USP54: variants seen among roughly 807,000 people sequenced by gnomAD.
USP54 encodes the protein ubiquitin specific peptidase 54, also known as ubiquitin carboxyl-terminal hydrolase 54.
Under a neutral mutation model 170.5 loss-of-function variants are expected in USP54, and 87 were observed. That is an observed-to-expected ratio of 0.51 (90% confidence interval 0.43 to 0.61). The LOEUF (loss-of-function observed/expected upper bound fraction) is 0.61. Ranked by LOEUF, USP54 falls within the 20% of genes least tolerant of loss-of-function variation. USP54 has a pLI of 0.00. For synonymous variants in USP54, 655 were observed against 742.8 expected, an observed-to-expected ratio of 0.88 and a Z score of 1.92; for missense variants, 1,786 against 2,047.8, an observed-to-expected ratio of 0.87 and a Z score of 2.47.
intron 1 of USP54, among the ~76,000 whole-genome samples, chr10:73,588,041 A>C (rs1263874592): frequency 6.6e-6 from 1 of 152,156 alleles, no homozygotes; most frequent in Non-Finnish European, 1.5e-5. Flanking sequence ...CTCTATATGC[A>C]TTATCTCTCC....
intron 9 of USP54, among the ~76,000 whole-genome samples, chr10:73,540,444 C>G (rs979381254): frequency 6.6e-6 from 1 of 151,978 alleles, no homozygotes; most frequent in Non-Finnish European, 1.5e-5. Flanking sequence ...GTGGCAGGCA[C>G]CTGTAGTCCC....
chr10:73,534,373 AT>A (rs201396962), intron 12 of USP54, among the ~76,000 whole-genome samples: 6 of 148,976 alleles, frequency 4.0e-5, no homozygotes, highest in South Asian at 2.1e-4. Flanking sequence ...TGCCCAACTA[AT>A]TTTTTTTTTG....
intron 17 of USP54, 64 bp from the exon 18 acceptor site, chr10:73,521,091 T>C: frequency 6.2e-7 from 1 of 1,600,824 alleles, no homozygotes; most frequent in Non-Finnish European, 8.5e-7. Flanking sequence ...TGTACTGTTG[T>C]TTCCCTTCAG....
intron 5 of USP54, 105 bp from the exon 6 acceptor site, chr10:73,543,236 G>C (rs2067003760): frequency 1.3e-6 from 1 of 764,720 alleles, no homozygotes; most frequent in Non-Finnish European, 2.2e-6. Context: ...CTGGAAGGTA[G>C]GAATATTTTG....
intron 20 of USP54, among the ~76,000 whole-genome samples, chr10:73,511,387 G>A (rs964988235): frequency 2.6e-5 from 4 of 151,530 alleles, no homozygotes; most frequent in Admixed American, 1.3e-4. Flanking sequence ...GTGGCCGGGC[G>A]TGGTGGCTCA....
At chr10:73,613,065 G>A (rs180911393) in intron 1 of USP54, among the ~76,000 whole-genome samples, 2 of 151,388 alleles carry the variant, frequency 1.3e-5, no homozygotes, top group African/African-American at 4.8e-5. Context: ...GCTGAGGTGG[G>A]AGGATTGCTT....
At chr10:73,531,244 T>TGGCAGTG (rs1214832899) in intron 12 of USP54, among the ~76,000 whole-genome samples, 1 of 148,466 alleles carries the variant, frequency 6.7e-6, no homozygotes, top group African/African-American at 2.5e-5. Context: ...TGAGCCGAGA[T>TGGCAGTG]CACGCCACTG....
chr10:73,595,157 C>T, upstream of USP54, among the ~76,000 whole-genome samples: 1 of 151,994 alleles, frequency 6.6e-6, no homozygotes, highest in Admixed American at 6.6e-5. Context: ...AACTCCTGAC[C>T]TCAGGTGATC....
chr10:73,508,353 G>A (rs2059564852), intron 20 of USP54, among the ~76,000 whole-genome samples: 1 of 150,450 alleles, frequency 6.6e-6, no homozygotes, highest in Non-Finnish European at 1.5e-5. Flanking sequence ...GTTGCAATGA[G>A]CTGATATTGT....
chr10:73,541,415 T>A lies in USP54; in HGVS notation c.785A>T (p.Asp262Val). 1.2e-6 allele frequency: 2 copies of A among 1,614,154 alleles called. No individual in the cohort carries two copies. The highest frequency in any genetic ancestry group is 1.7e-6 in the Non-Finnish European group (2 of 1,180,036). ...GCAGGTTCCCAGGCTGTGGATAACA[T>A]CTTCTGCTAAGTCTGAGTGGTCTGA... ...WDSDHSDLAE[D>V]VIHSLGTCLK... The change falls in exon 9 of 24, where the codon GAT becomes GTT. Residue 262 changes from aspartate (D) to valine (V), a missense_variant. Physicochemically the swap from Asp to Val is radical, Grantham distance 152 (BLOSUM62 -3). Around this residue, in one of 3 missense-constraint regions of USP54, gnomAD observed 361 missense variants for 455.0 expected, o/e 0.79. Transcript: ENST00000687698.
chr10:73,535,469 T>C (rs2065033089), intron 11 of USP54, among the ~76,000 whole-genome samples: 1 of 152,072 alleles, frequency 6.6e-6, no homozygotes, highest in South Asian at 2.1e-4. Flanking sequence ...TCTTTCAAAA[T>C]TATATCAAGG....
Position 73,519,779 on chromosome 10 carries a change from A to G in USP54, c.2678+18T>C, listed in dbSNP as rs2061624877. 1 of 1,613,442 alleles carries G rather than the reference A, an allele frequency of 6.2e-7. No homozygotes were observed. The highest frequency in any genetic ancestry group is 8.5e-7 in the Non-Finnish European group (1 of 1,179,828). On this transcript the variant is annotated intron_variant, in intron 19 of 23. Coordinates refer to ENST00000687698, the MANE Select transcript of USP54 (RefSeq NM_001391956.1). ...CTTCCCCTGGCATTCATAAACTAAC[A>G]TGGTTCCCAAGCACTACCTTGTTGG...
intron 12 of USP54, among the ~76,000 whole-genome samples, chr10:73,531,235 G>T (rs372330389): frequency 2.6e-5 from 4 of 151,032 alleles, no homozygotes; most frequent in Non-Finnish European, 5.9e-5. Context: ...AGGTTGCAGT[G>T]AGCCGAGATC....
chr10:73,602,445 C>T (rs1431257597), intron 1 of USP54, among the ~76,000 whole-genome samples: 1 of 151,024 alleles, frequency 6.6e-6, no homozygotes, highest in African/African-American at 2.4e-5. Context: ...CCCAGCTACT[C>T]AGGAGGCTGA....
At chr10:73,583,994 C>T (rs1241800006) in intron 1 of USP54, among the ~76,000 whole-genome samples, 5 of 152,060 alleles carry the variant, frequency 3.3e-5, no homozygotes, top group African/African-American at 1.2e-4. Context: ...GCAAATAATT[C>T]ACTGAAGAAG....
At chr10:73,532,629 C>T (rs1168196963) in intron 12 of USP54, among the ~76,000 whole-genome samples, 5 of 152,128 alleles carry the variant, frequency 3.3e-5, no homozygotes, top group Admixed American at 1.3e-4. Flanking sequence ...ACACCTGACA[C>T]AATCAATGCA....
At chr10:73,577,478 ACT>A (rs564977290) in intron 1 of USP54, among the ~76,000 whole-genome samples, 4 of 152,066 alleles carry the variant, frequency 2.6e-5, no homozygotes, top group South Asian at 2.1e-4. Context: ...TATTTTTATT[ACT>A]CTCTGTTTTA....
chr10:73,544,589 G>A (rs1417820310), intron 5 of USP54, among the ~76,000 whole-genome samples: 2 of 152,188 alleles, frequency 1.3e-5, no homozygotes, highest in Admixed American at 1.3e-4. Context: ...GTTTTCCAGA[G>A]TAGCTATACC....
chr10:73,604,075 C>T (rs537245239), intron 1 of USP54, among the ~76,000 whole-genome samples: 1 of 152,022 alleles, frequency 6.6e-6, no homozygotes, highest in Non-Finnish European at 1.5e-5. Context: ...GTGGTGAAAC[C>T]CTGTCTGTAC....
Sources: allele counts gnomAD v4.1 joint callset (sites outside exome capture counted in the v4.1 genomes callset), GRCh38; gene constraint gnomAD v4.1.1; regional missense constraint gnomAD v4.1.1; transcripts MANE v1.5; gene names NCBI Gene and HGNC (gene_info 2026-07-23, HGNC 2026-07-21).